GABRG3: variants seen among roughly 807,000 people sequenced by gnomAD.
The protein encoded by GABRG3 is gamma-aminobutyric acid receptor subunit gamma-3.
In GABRG3, 25 loss-of-function variants were observed where a neutral mutation model predicts 48.8. The observed-to-expected ratio is 0.51, with a 90% confidence interval of 0.37 to 0.72. GABRG3 has a LOEUF of 0.72. Among genes scored for constraint, GABRG3 ranks in the 30% least tolerant of loss-of-function variants. The probability of loss-of-function intolerance (pLI) is 0.00; values close to 1 mark genes in which losing one functional copy is unlikely to be tolerated. For missense variants in GABRG3, 394 were observed against 577.9 expected (o/e 0.68, Z 3.26); for synonymous variants, 227 against 217.6 (o/e 1.04, Z -0.38).
chr15:27,038,473 T>C, intron 3 of GABRG3, among the ~76,000 whole-genome samples: 1 of 152,174 alleles, frequency 6.6e-6, no homozygotes, highest in Admixed American at 6.5e-5. Context: ...TCCTGTCCCG[T>C]GGTAGGTGTG....
chr15:27,417,973 G>A (rs1263187535), intron 5 of GABRG3, among the ~76,000 whole-genome samples: 1 of 152,216 alleles, frequency 6.6e-6, no homozygotes, highest in African/African-American at 2.4e-5. Flanking sequence ...GCTTTTGCGA[G>A]GATCAGACAA....
In GABRG3 at chr15:26,982,753, G is replaced by A. The variant is rs377081810; in HGVS notation, c.202+5603G>A. ...TAGTCCTCATAAGTCATCATCACAT[G>A]TGAGAACATGCTCTGTGCTTTGTGA... On this transcript the variant is annotated intron_variant, in intron 2 of 9. Transcript: ENST00000615808. Among the ~76,000 whole-genome samples the A allele has an allele frequency of 3.9e-5, 6 of 152,180 alleles. No individual in the cohort carries two copies. The East Asian group carries it at 7.7e-4, about 20-fold the overall frequency.
At chr15:27,147,407 A>T (rs193203939) in intron 3 of GABRG3, among the ~76,000 whole-genome samples, 2 of 152,150 alleles carry the variant, frequency 1.3e-5, no homozygotes, top group African/African-American at 4.8e-5. Flanking sequence ...AAGAACAAGT[A>T]GACAGAAGAT....
At chr15:27,307,937 A>G (rs1051984829) in intron 3 of GABRG3, among the ~76,000 whole-genome samples, 13 of 137,966 alleles carry the variant, frequency 9.4e-5, no homozygotes, top group Non-Finnish European at 9.3e-5. Flanking sequence ...ATGCTTGTAT[A>G]TAAACATATA....
chr15:27,255,058 A>G (rs559810319), intron 3 of GABRG3, among the ~76,000 whole-genome samples: 6 of 152,272 alleles, frequency 3.9e-5, no homozygotes, highest in South Asian at 4.1e-4. Context: ...GTCCAGGCCC[A>G]GCCCCTGCAA....
intron 3 of GABRG3, among the ~76,000 whole-genome samples, chr15:27,288,735 A>G (rs1347470301): frequency 6.7e-6 from 1 of 149,020 alleles, no homozygotes; most frequent in African/African-American, 2.4e-5. Flanking sequence ...AAAAAAAATA[A>G]GAGGAAAAAG....
chr15:27,278,704 G>A (rs914641325), intron 3 of GABRG3, among the ~76,000 whole-genome samples: 3 of 152,096 alleles, frequency 2.0e-5, no homozygotes, highest in Non-Finnish European at 2.9e-5. Flanking sequence ...CTCCTTTAAG[G>A]CCATTGGTGT....
intron 2 of GABRG3, among the ~76,000 whole-genome samples, chr15:26,996,203 C>A (rs1895337035): frequency 6.6e-6 from 1 of 151,742 alleles, no homozygotes; most frequent in Non-Finnish European, 1.5e-5. Flanking sequence ...TTTATTAGGG[C>A]TTTTTGTTTT....
intron 3 of GABRG3, among the ~76,000 whole-genome samples, chr15:27,070,410 A>G (rs1404005314): frequency 6.6e-6 from 1 of 152,200 alleles, no homozygotes; most frequent in Non-Finnish European, 1.5e-5. Context: ...ACATTCCATT[A>G]TGCCAGGCTT....
chr15:27,026,338 G>C (rs565795388), intron 2 of GABRG3, among the ~76,000 whole-genome samples: 1 of 152,260 alleles, frequency 6.6e-6, no homozygotes, highest in Non-Finnish European at 1.5e-5. Context: ...ACCCAACAAC[G>C]TCACTGACAT....
chr15:27,293,689 AC>A (rs202138013), intron 3 of GABRG3, among the ~76,000 whole-genome samples: 1 of 151,496 alleles, frequency 6.6e-6, no homozygotes, highest in East Asian at 1.9e-4. Context: ...AAAAAAACAA[AC>A]AAAAAAAAAA....
At chr15:27,482,049 A>G (rs1433242551) in intron 6 of GABRG3, among the ~76,000 whole-genome samples, 2 of 152,178 alleles carry the variant, frequency 1.3e-5, no homozygotes, top group Non-Finnish European at 2.9e-5. Flanking sequence ...GCTGAACCCA[A>G]CTAACTCAGG....
intron 5 of GABRG3, among the ~76,000 whole-genome samples, chr15:27,351,097 G>A (rs1015722137): frequency 6.8e-6 from 1 of 147,644 alleles, no homozygotes; most frequent in Non-Finnish European, 1.5e-5. Context: ...TGTGTGTATG[G>A]TGTGTGTGTA....
intron 5 of GABRG3, among the ~76,000 whole-genome samples, chr15:27,395,185 T>C (rs1887263609): frequency 6.6e-6 from 1 of 152,192 alleles, no homozygotes. Context: ...TAATCTCAAT[T>C]GACCTATCTT....
Position 27,326,841 on chromosome 15 carries a change from C to A in GABRG3, c.303C>A (p.Thr101=), listed in dbSNP as rs542984186. 3.1e-6 allele frequency: 5 copies of A among 1,613,916 alleles called. No individual in the cohort carries two copies. Among genetic ancestry groups the A allele is most frequent in the East Asian group, 4.5e-5 (2 of 44,876 alleles). The change falls in exon 4 of 10, where the codon ACC becomes ACA. Residue 101 remains threonine, a synonymous_variant. Transcript: ENST00000615808. ...EYQIDIFFAQ[T]WTDSRLRFNS... ...AAATTGACATATTTTTTGCTCAGAC[C>A]TGGACAGATAGTCGCCTTCGATTCA... is the stretch of plus-strand genomic sequence containing the variant.
Position 27,055,014 on chromosome 15 carries a change from T to TG in GABRG3, c.270+28193_270+28194insG, listed in dbSNP as rs1566922009. On this transcript the variant is annotated intron_variant, in intron 3 of 9. Coordinates refer to ENST00000615808, the MANE Select transcript of GABRG3 (RefSeq NM_033223.5). ...CCCAAGGGCCAAGACCTGTTTTTTTTTTTTTTTTTTTTTAAATGACTTGTC... is the reference window on the plus strand; with the variant it reads ...CCCAAGGGCCAAGACCTGTTTTTTTTGTTTTTTTTTTTTTAAATGACTTGTC... Among the ~76,000 whole-genome samples the TG allele has an allele frequency of 1.3e-3, 201 of 149,316 alleles. 1 individual carries two copies. The highest frequency in any genetic ancestry group is 4.5e-3 in the African/African-American group (186 of 41,078).
intron 3 of GABRG3, 130 bp from the exon 4 acceptor site, chr15:27,326,679 C>G (rs1893625322): frequency 2.9e-6 from 2 of 701,526 alleles, no homozygotes; most frequent in East Asian, 2.6e-5. Flanking sequence ...TTGAACCAGT[C>G]TCTATCAGAA....
intron 3 of GABRG3, among the ~76,000 whole-genome samples, chr15:27,290,956 A>G (rs961877267): frequency 6.6e-6 from 1 of 152,234 alleles, no homozygotes; most frequent in African/African-American, 2.4e-5. Context: ...TTTTCTGTAA[A>G]TCTAAAACTC....
intron 3 of GABRG3, among the ~76,000 whole-genome samples, chr15:27,069,438 T>C (rs968353877): frequency 1.3e-5 from 2 of 152,178 alleles, no homozygotes; most frequent in Non-Finnish European, 2.9e-5. Flanking sequence ...TTCTAAAATG[T>C]TGTGCACTTC....
Sources: gnomAD v4.1 joint callset for allele counts (sites outside exome capture counted in the v4.1 genomes callset) on GRCh38, gnomAD v4.1.1 for gene constraint, MANE v1.5 for transcripts, NCBI Gene and HGNC (gene_info 2026-07-23, HGNC 2026-07-21) for gene names.